The following VAMP1 variants were observed in gnomAD, a reference collection of about 807,000 sequenced individuals.
VAMP1 encodes vesicle-associated membrane protein 1.
In VAMP1, 16 loss-of-function variants were observed where a neutral mutation model predicts 19.1. The ratio of observed to expected loss-of-function variants is 0.84; its 90% CI spans 0.57 to 1.27. VAMP1 has a LOEUF of 1.27. VAMP1 is among the 50% of genes most tolerant of loss of function. VAMP1 has a pLI of 0.00. For missense variants in VAMP1, 109 were observed against 145.4 expected (o/e 0.75, Z 1.29); for synonymous variants, 37 against 50.2 (o/e 0.74, Z 1.11).
rs1041875501 is a variant in VAMP1 at position 6,470,604 on chromosome 12, G to A, written c.-73C>T. On this transcript the variant is annotated 5_prime_UTR_variant, in exon 1 of 5. Transcript: ENST00000396308. ...CGAGACACCCGGTGAGGGACGCTGC[G>A]GCTGAAGTGGACGGAACTGCCAAGC... 4.4e-6 allele frequency: 7 copies of A among 1,595,930 alleles called. No individual in the cohort carries two copies. In the Admixed American group the frequency reaches 6.7e-5, roughly 15 times the overall value.
chr12:6,468,575 T>C lies in VAMP1; in HGVS notation c.2+1955A>G, dbSNP rs565049964. Among the ~76,000 whole-genome samples, 6 of 152,372 alleles carry C rather than the reference T, an allele frequency of 3.9e-5. No individual in the cohort carries two copies. The South Asian group carries it at 1.2e-3, about 32-fold the overall frequency. On this transcript the variant is annotated intron_variant, in intron 1 of 4. Transcript: ENST00000396308. ...CAATGTGCATGCATTATAGACATTCTGTCCCTTCCTTTTCTGGATTTGACA... is the reference window on the plus strand; with the variant it reads ...CAATGTGCATGCATTATAGACATTCCGTCCCTTCCTTTTCTGGATTTGACA...
rs1030522170 is a variant in VAMP1, at chr12:6,463,260, GGA to G, written c.*1208_*1209del. ...GGAAGAACAGAGAGGCGGCTCTCAA[GGA>G]GAGGGCCCCATGACAGCACAGCAAT... On this transcript the variant is annotated 3_prime_UTR_variant, in exon 5 of 5. Coordinates refer to ENST00000396308, the MANE Select transcript of VAMP1 (RefSeq NM_014231.5). The surrounding 1 kb of genome is among the most constrained non-coding windows in gnomAD (Gnocchi z 4.0). 4.3e-5 allele frequency: 59 copies of G among 1,363,638 alleles called. No individual in the cohort carries two copies. The African/African-American group carries it at 7.5e-4, about 17-fold the overall frequency. 84.5% of individuals were successfully genotyped at this position (1,363,638 alleles called of 1,614,324 possible). A position where few individuals can be genotyped will look rare whatever the true frequency, so the allele number is the denominator to read the frequency against.
chr12:6,462,575 A>T lies in VAMP1; in HGVS notation c.*1895T>A, dbSNP rs1949904440. Reference sequence around the variant, plus strand: ...GTACAGGGTGGGTGAGAAAGAAAGTAGAAGGGCTAATACCCCCAAAGAACA... The same window carrying T: ...GTACAGGGTGGGTGAGAAAGAAAGTTGAAGGGCTAATACCCCCAAAGAACA... On this transcript the variant is annotated 3_prime_UTR_variant, in exon 5 of 5. Transcript: ENST00000396308. 2 of 562,942 alleles carry T rather than the reference A, an allele frequency of 3.6e-6. No individual in the cohort carries two copies. The highest frequency in any genetic ancestry group is 3.1e-6 in the Non-Finnish European group (1 of 319,642). The allele number at this position is 562,942 out of a possible 1,614,324, so 34.9% of individuals were successfully genotyped here.
chr12:6,463,117 C>A lies in VAMP1; in HGVS notation c.*1353G>T. On this transcript the variant is annotated 3_prime_UTR_variant, in exon 5 of 5. Transcript: ENST00000396308. The surrounding 1 kb of genome is among the most constrained non-coding windows in gnomAD (Gnocchi z 4.0). The stretch of plus-strand genomic sequence containing the variant: ...GCAATTGCCCCGAAGATAGGCTGAG[C>A]AGATCCCATCCTCAGGTTCCACTGT... 6.7e-7 allele frequency: 1 copy of A among 1,498,900 alleles called. No homozygotes were observed. The highest frequency in any genetic ancestry group is 1.3e-5 in the South Asian group (1 of 78,172). 92.9% of individuals were successfully genotyped at this position (1,498,900 alleles called of 1,614,324 possible). A position where few individuals can be genotyped will look rare whatever the true frequency, so the allele number is the denominator to read the frequency against.
chr12:6,466,651 G>A (rs1036978392), intron 1 of VAMP1: 4 of 246,050 alleles, frequency 1.6e-5, no homozygotes, highest in Non-Finnish European at 1.6e-5. Flanking sequence ...AAACCATAGA[G>A]GCAAGAAGTA....
In VAMP1 at chr12:6,463,867, C is replaced by T. The variant is rs74056956; in HGVS notation, c.*603G>A. ...TAAAGTTGTAAGATCCCCAAAGACA[C>T]GGAAAATCCTGGACGAACAGATTAG... is the stretch of plus-strand genomic sequence containing the variant. On this transcript the variant is annotated 3_prime_UTR_variant, in exon 5 of 5. Coordinates refer to ENST00000396308, the MANE Select transcript of VAMP1 (RefSeq NM_014231.5). This position sits in a 1 kb window ranked among gnomAD's most constrained non-coding sequence, Gnocchi z 4.0. The T allele has an allele frequency of 8.1e-3, 10,257 of 1,266,018 alleles. 673 individuals carry two copies. The African/African-American group carries it at 0.14, about 17-fold the overall frequency. The allele number at this position is 1,266,018 out of a possible 1,614,324, so 78.4% of individuals were successfully genotyped here.
Position 6,465,922 on chromosome 12 carries a change from C to A in VAMP1, c.208G>T (p.Asp70Tyr), listed in dbSNP as rs754803128. Residue 70 changes from aspartate (D) to tyrosine (Y), a missense_variant, in exon 3 of 5, where the codon GAT (aspartate) becomes TAT (tyrosine). Asp to Tyr is a radical substitution (Grantham distance 160). Coordinates refer to ENST00000396308, the MANE Select transcript of VAMP1 (RefSeq NM_014231.5). Reference sequence around the variant, plus strand: ...TGTGATGCTCCTGCCTGCAAGGCATCAGCTCGGTCATCCAGCTCTGACAGC... The same window carrying A: ...TGTGATGCTCCTGCCTGCAAGGCATAAGCTCGGTCATCCAGCTCTGACAGC... ...QKLSELDDRA[D>Y]ALQAGASQFE... 12 of 1,614,258 alleles carry A rather than the reference C, an allele frequency of 7.4e-6. No individual in the cohort carries two copies. The highest frequency in any genetic ancestry group is 9.3e-6 in the Non-Finnish European group (11 of 1,180,050).
chr12:6,464,637 A>C, intron 4 of VAMP1, 151 bp from the exon 5 acceptor site: 1 of 1,456,784 alleles, frequency 6.9e-7, no homozygotes, highest in East Asian at 2.5e-5. Context: ...AGCCAGTGAC[A>C]CACAGCATAG....
Position 6,462,342 on chromosome 12 carries a change from C to G in VAMP1, c.*2128G>C. The G allele has an allele frequency of 1.8e-6, 1 of 556,362 alleles. No homozygotes were observed. Among genetic ancestry groups the G allele is most frequent in the South Asian group, 2.4e-5 (1 of 41,916 alleles). 34.5% of individuals were successfully genotyped at this position (556,362 alleles called of 1,614,324 possible). A position where few individuals can be genotyped will look rare whatever the true frequency, so the allele number is the denominator to read the frequency against. On this transcript the variant is annotated 3_prime_UTR_variant, in exon 5 of 5. Transcript: ENST00000396308. ...GTACAACTGTTGTTATTACTCTATA[C>G]AAGTATGAGATCAGGGTTAGGAAAA...
chr12:6,470,580 G>A lies in VAMP1; in HGVS notation c.-49C>T, dbSNP rs1164649408. ...TCTGTTCCTCTCCGGAGGCTGCGGC[G>A]AGACACCCGGTGAGGGACGCTGCGG... On this transcript the variant is annotated 5_prime_UTR_variant, in exon 1 of 5. Transcript: ENST00000396308. 1.9e-6 allele frequency: 3 copies of A among 1,612,886 alleles called. No individual in the cohort carries two copies. Among genetic ancestry groups the A allele is most frequent in the Non-Finnish European group, 1.7e-6 (2 of 1,179,170 alleles).
In VAMP1 at chr12:6,462,301, C is replaced by T. The variant is rs1949891996; in HGVS notation, c.*2169G>A. On this transcript the variant is annotated 3_prime_UTR_variant, in exon 5 of 5. Transcript: ENST00000396308. ...ATACATGACATTGGTAAATATGCCA[C>T]ATGCCTTTGGTGGAAGTACAACTGT... 2 of 614,470 alleles carry T rather than the reference C, an allele frequency of 3.3e-6. No homozygotes were observed. Among genetic ancestry groups the T allele is most frequent in the Admixed American group, 6.0e-5 (2 of 33,264 alleles). 38.1% of individuals were successfully genotyped at this position (614,470 alleles called of 1,614,324 possible). A position where few individuals can be genotyped will look rare whatever the true frequency, so the allele number is the denominator to read the frequency against.
Position 6,462,476 on chromosome 12 carries a change from G to C in VAMP1, c.*1994C>G, listed in dbSNP as rs139235612. 2 of 498,854 alleles carry C rather than the reference G, an allele frequency of 4.0e-6. No homozygotes were observed. The highest frequency in any genetic ancestry group is 7.1e-6 in the Non-Finnish European group (2 of 280,688). The allele number at this position is 498,854 out of a possible 1,614,324, so 30.9% of individuals were successfully genotyped here. ...AGCTTCATTTGACTGCAAAGTCCCA[G>C]GGTTTTGTTGCACATTTGCTCATGC... On this transcript the variant is annotated 3_prime_UTR_variant, in exon 5 of 5. Coordinates refer to ENST00000396308, the MANE Select transcript of VAMP1 (RefSeq NM_014231.5).
Position 6,464,198 on chromosome 12 carries a change from C to A in VAMP1, c.*272G>T. 1 of 1,478,758 alleles carries A rather than the reference C, an allele frequency of 6.8e-7. No individual in the cohort carries two copies. The highest frequency in any genetic ancestry group is 1.2e-5 in the South Asian group (1 of 82,712). The allele number at this position is 1,478,758 out of a possible 1,614,324, so 91.6% of individuals were successfully genotyped here. ...TCCCTTGGCCTCCAACTCTTTGGGG[C>A]TTTGGGGGAACTTGAGAGTACAGAA... is the stretch of plus-strand genomic sequence containing the variant. On this transcript the variant is annotated 3_prime_UTR_variant, in exon 5 of 5. Transcript: ENST00000396308.
chr12:6,462,720 G>T lies in VAMP1; in HGVS notation c.*1750C>A, dbSNP rs1949909732. On this transcript the variant is annotated 3_prime_UTR_variant, in exon 5 of 5. Coordinates refer to ENST00000396308, the MANE Select transcript of VAMP1 (RefSeq NM_014231.5). ...GGCTTGGGACACATCGAGGACAGTG[G>T]TGGTTCTTCTCCAGCGGTGACCCCC... 2 of 1,150,896 alleles carry T rather than the reference G, an allele frequency of 1.7e-6. No homozygotes were observed. The highest frequency in any genetic ancestry group is 1.5e-5 in the South Asian group (1 of 64,546). 71.3% of individuals were successfully genotyped at this position (1,150,896 alleles called of 1,614,324 possible). A position where few individuals can be genotyped will look rare whatever the true frequency, so the allele number is the denominator to read the frequency against.
intron 1 of VAMP1, among the ~76,000 whole-genome samples, chr12:6,469,454 T>C (rs2240868): frequency 0.065 from 9,884 of 152,170 alleles, 651 homozygotes; most frequent in African/African-American, 0.16. Flanking sequence ...TTGCCCAAAA[T>C]GCATAGAACA....
rs1491122233 is a variant in VAMP1, at chr12:6,465,388, A to ATATATATATACATGTATATATATG, written c.289-448_289-447insCATATATATACATGTATATATATA. 29 of 75,522 alleles carry ATATATATATACATGTATATATATG rather than the reference A, an allele frequency of 3.8e-4. 1 individual carries two copies. The highest frequency in any genetic ancestry group is 3.6e-3 in the Admixed American group (27 of 7,494). The allele number at this position is 75,522 out of a possible 1,614,324, so 4.7% of individuals were successfully genotyped here. On this transcript the variant is annotated intron_variant, in intron 3 of 4. Coordinates refer to ENST00000396308, the MANE Select transcript of VAMP1 (RefSeq NM_014231.5). ...TATATATATAAATGTATATATATGT[A>ATATATATATACATGTATATATATG]TATATATATATAAATGTATATATAT...
chr12:6,466,375 A>G (rs764000061), intron 1 of VAMP1, 24 bp from the exon 2 acceptor site: 43 of 1,595,482 alleles, frequency 2.7e-5, no homozygotes, highest in Non-Finnish European at 3.5e-5. Context: ...TGTGCAGAGT[A>G]CACAAAGTGA....
chr12:6,467,555 C>A (rs11064210), intron 1 of VAMP1, among the ~76,000 whole-genome samples: 10 of 152,058 alleles, frequency 6.6e-5, no homozygotes, highest in Non-Finnish European at 2.9e-5. Flanking sequence ...GAAGAAAAGA[C>A]GCAGTACTAA....
At position 6,466,274 on chromosome 12, in the gene VAMP1, T is replaced by A; in HGVS notation, c.80A>T (p.Asn27Ile). Residue 27 changes from asparagine to isoleucine, a missense_variant, in exon 2 of 5, where the codon AAC becomes ATC. Coordinates refer to ENST00000396308, the MANE Select transcript of VAMP1 (RefSeq NM_014231.5). ...CTGTAGTCGTCTGTTACTGGTCATG[T>A]TAGGAGGAGGGCCAGGGGGACCCCC... Reference protein sequence around the residue: ...PGGGPPGPPPNMTSNRRLQQT... With the variant: ...PGGGPPGPPPIMTSNRRLQQT... 1 of 1,614,160 alleles carries A rather than the reference T, an allele frequency of 6.2e-7. No individual in the cohort carries two copies. Among genetic ancestry groups the A allele is most frequent in the South Asian group, 1.1e-5 (1 of 91,086 alleles).
Sources: gnomAD v4.1 joint callset for allele counts (sites outside exome capture counted in the v4.1 genomes callset) on GRCh38, gnomAD v4.1.1 for gene constraint, Gnocchi (gnomAD v3.1) non-coding constraint, MANE v1.5 for transcripts, NCBI Gene and HGNC (gene_info 2026-07-23, HGNC 2026-07-21) for gene names.